OSBPL8: variants seen among roughly 807,000 people sequenced by gnomAD.
The protein encoded by OSBPL8 is oxysterol binding protein like 8, also known as oxysterol-binding protein-related protein 8.
A neutral mutation model predicts 125.5 loss-of-function variants in OSBPL8; 59 were observed. The ratio of observed to expected loss-of-function variants is 0.47; its 90% CI spans 0.38 to 0.58. OSBPL8 has a LOEUF of 0.58. OSBPL8 is among the 20% of genes least tolerant of loss of function. OSBPL8 has a pLI of 0.00. For synonymous variants in OSBPL8, 330 were observed against 338.9 expected, an observed-to-expected ratio of 0.97 and a Z score of 0.29; for missense variants, 758 against 1,047.8, an observed-to-expected ratio of 0.72 and a Z score of 3.82.
intron 18 of OSBPL8, among the ~76,000 whole-genome samples, chr12:76,372,411 G>C (rs1952655120): frequency 6.6e-6 from 1 of 151,860 alleles, no homozygotes; most frequent in African/African-American, 2.4e-5. Flanking sequence ...GTCTTGTTAT[G>C]TCACCCAGGC....
intron 2 of OSBPL8, among the ~76,000 whole-genome samples, chr12:76,480,637 A>T (rs1181742587): frequency 6.6e-6 from 1 of 152,234 alleles, no homozygotes; most frequent in African/African-American, 2.4e-5. Context: ...AACTTTACAT[A>T]AGGAGATCCC....
chr12:76,359,183 G>C lies in OSBPL8; in HGVS notation c.2329-372C>G, dbSNP rs372324184. 5.7e-4 allele frequency among the ~76,000 whole-genome samples: 87 copies of C among 152,182 alleles called. 2 individuals are homozygous for C. Among genetic ancestry groups the C allele is most frequent in the African/African-American group, 2.1e-3 (86 of 41,524 alleles). On this transcript the variant is annotated intron_variant, in intron 21 of 23. Coordinates refer to ENST00000261183, the MANE Select transcript of OSBPL8 (RefSeq NM_020841.5). Reference sequence around the variant, plus strand: ...CACCAGCTATTATTATTCTCTAGTAGAATGTTAAATAATAGAATGTTAAAT... The same window carrying C: ...CACCAGCTATTATTATTCTCTAGTACAATGTTAAATAATAGAATGTTAAAT...
At chr12:76,397,462 C>A (rs1313775947) in intron 8 of OSBPL8, among the ~76,000 whole-genome samples, 2 of 151,274 alleles carry the variant, frequency 1.3e-5, no homozygotes, top group Non-Finnish European at 2.9e-5. Context: ...AAATTGAATC[C>A]CCAAGGGCAA....
At chr12:76,554,906 C>T (rs1951049628) in intron 1 of OSBPL8, among the ~76,000 whole-genome samples, 1 of 152,104 alleles carries the variant, frequency 6.6e-6, no homozygotes, top group Non-Finnish European at 1.5e-5. Context: ...ATAAAATTCT[C>T]TTCCAAATAT....
chr12:76,521,635 CAT>C (rs1393261325), intron 1 of OSBPL8, among the ~76,000 whole-genome samples: 16 of 152,260 alleles, frequency 1.1e-4, no homozygotes, highest in Non-Finnish European at 1.5e-5. Context: ...GAGATTCTGA[CAT>C]ATGCTACACC....
Position 76,402,817 on chromosome 12 carries a change from G to A in OSBPL8, c.289-51C>T, listed in dbSNP as rs766562943. On this transcript the variant is annotated intron_variant, in intron 5 of 23. Coordinates refer to ENST00000261183, the MANE Select transcript of OSBPL8 (RefSeq NM_020841.5). ...ATTAAATCCTTCAGATTTTCTACAC[G>A]TCGCATAAAAATTAATGTTAAAATT... 31 of 1,177,670 alleles carry A rather than the reference G, an allele frequency of 2.6e-5. No homozygotes were observed. In the East Asian group the frequency reaches 2.7e-4, roughly 10 times the overall value. 73.0% of individuals were successfully genotyped at this position (1,177,670 alleles called of 1,614,324 possible).
intron 4 of OSBPL8, chr12:76,422,417 T>C (rs1869598868): frequency 2.5e-6 from 1 of 406,620 alleles, no homozygotes; most frequent in East Asian, 7.1e-5. Flanking sequence ...AATTGTTTTA[T>C]TTAAATGAAA....
At chr12:76,422,551 A>G (rs1869621165) in intron 4 of OSBPL8, 2 of 456,570 alleles carry the variant, frequency 4.4e-6, no homozygotes, top group East Asian at 6.9e-5. Flanking sequence ...CTCCAAATGA[A>G]GCATTCCGAA....
chr12:76,360,037 C>T (rs1952139417), intron 21 of OSBPL8, among the ~76,000 whole-genome samples: 1 of 152,176 alleles, frequency 6.6e-6, no homozygotes, highest in South Asian at 2.1e-4. Context: ...ATCATGCCTT[C>T]CCAACAGTCC....
intron 1 of OSBPL8, among the ~76,000 whole-genome samples, chr12:76,541,216 T>C (rs1437958012): frequency 2.0e-5 from 3 of 152,182 alleles, no homozygotes; most frequent in East Asian, 1.9e-4. Flanking sequence ...CGGTGGCTCA[T>C]GTCTGTAATC....
intron 17 of OSBPL8, among the ~76,000 whole-genome samples, chr12:76,374,108 A>C (rs1379022419): frequency 6.6e-6 from 1 of 150,412 alleles, no homozygotes; most frequent in East Asian, 1.9e-4. Flanking sequence ...ATAATACTTA[A>C]GAGGTCTTTT....
intron 1 of OSBPL8, among the ~76,000 whole-genome samples, chr12:76,543,602 T>C (rs934579483): frequency 2.6e-5 from 4 of 152,108 alleles, no homozygotes; most frequent in Admixed American, 2.6e-4. Flanking sequence ...CCAAAAGCCA[T>C]TCAGTCACAT....
chr12:76,369,911 A>C, intron 19 of OSBPL8, 89 bp from the exon 20 acceptor site: 1 of 1,220,962 alleles, frequency 8.2e-7, no homozygotes, highest in Non-Finnish European at 1.1e-6. Flanking sequence ...CTTGTAGAGA[A>C]AATAATGCTC....
intron 4 of OSBPL8, among the ~76,000 whole-genome samples, chr12:76,430,966 C>G (rs974008235): frequency 6.6e-6 from 1 of 152,042 alleles, no homozygotes; most frequent in African/African-American, 2.4e-5. Flanking sequence ...TAAAGACAAA[C>G]ACAGAACATT....
chr12:76,367,232 GTGT>G (rs1952453182), intron 21 of OSBPL8, among the ~76,000 whole-genome samples: 3 of 145,904 alleles, frequency 2.1e-5, no homozygotes, highest in Non-Finnish European at 3.0e-5. Flanking sequence ...GTTGATTGGT[GTGT>G]GTGTGTGTGT....
At chr12:76,382,657 T>G (rs926247230) in intron 15 of OSBPL8, among the ~76,000 whole-genome samples, 32 of 151,800 alleles carry the variant, frequency 2.1e-4, no homozygotes, top group Admixed American at 6.5e-5. Flanking sequence ...CTGAGGCGGG[T>G]GGATCACTTG....
At chr12:76,444,246 A>T (rs1872523280) in intron 4 of OSBPL8, among the ~76,000 whole-genome samples, 1 of 152,244 alleles carries the variant, frequency 6.6e-6, no homozygotes, top group African/African-American at 2.4e-5. Flanking sequence ...GCAATCATTC[A>T]TTTATTATGA....
At chr12:76,445,129 A>T (rs1343776237) in intron 4 of OSBPL8, among the ~76,000 whole-genome samples, 5 of 152,124 alleles carry the variant, frequency 3.3e-5, no homozygotes, top group Non-Finnish European at 7.4e-5. Flanking sequence ...AGAAAGATGA[A>T]CTGGTATGTT....
Position 76,451,098 on chromosome 12 carries a change from T to C in OSBPL8, c.80-110A>G, listed in dbSNP as rs1171861058. 8 of 1,149,944 alleles carry C rather than the reference T, an allele frequency of 7.0e-6. No individual in the cohort carries two copies. In the East Asian group the frequency reaches 2.1e-4, roughly 30 times the overall value. The allele number at this position is 1,149,944 out of a possible 1,614,324, so 71.2% of individuals were successfully genotyped here. ...ACTGAAATGGCCTTGGTGGTTATAT[T>C]CATTTTACCAACTCAATACTTTAAT... On this transcript the variant is annotated intron_variant, in intron 3 of 23. Coordinates refer to ENST00000261183, the MANE Select transcript of OSBPL8 (RefSeq NM_020841.5).
Sources: allele counts gnomAD v4.1 joint callset (sites outside exome capture counted in the v4.1 genomes callset), GRCh38; gene constraint gnomAD v4.1.1; transcripts MANE v1.5; gene names NCBI Gene and HGNC (gene_info 2026-07-23, HGNC 2026-07-21).